Variants in DDX6 observed in about 807,000 individuals in gnomAD.
The protein encoded by DDX6 is DEAD-box helicase 6.
In DDX6, 7 loss-of-function variants were observed where a neutral mutation model predicts 60.6. That is an observed-to-expected ratio of 0.12 (90% CI 0.07 to 0.22). DDX6 has a LOEUF of 0.22. Among genes scored for constraint, DDX6 ranks in the 10% least tolerant of loss-of-function variants. The probability of loss-of-function intolerance (pLI) is 1.00; values close to 1 mark genes in which losing one functional copy is unlikely to be tolerated. For synonymous variants in DDX6, 207 were observed against 201.0 expected (o/e 1.03, Z -0.25); for missense variants, 270 against 589.9 (o/e 0.46, Z 5.62).
Position 118,749,780 on chromosome 11 carries a change from G to A in DDX6, c.*2325C>T, listed in dbSNP as rs1860690988. The A allele has an allele frequency of 1.3e-5, 2 of 152,598 alleles. No homozygotes were observed. The highest frequency in any genetic ancestry group is 4.8e-5 in the African/African-American group (2 of 41,440). The allele number at this position is 152,598 out of a possible 1,614,324, so 9.5% of individuals were successfully genotyped here. On this transcript the variant is annotated 3_prime_UTR_variant, in exon 14 of 14. Coordinates refer to ENST00000534980, the MANE Select transcript of DDX6 (RefSeq NM_004397.6). ...GGCACAATTTTTTTGGTCAAAAGTT[G>A]ACACCTTTTAAATTCCCTCTCCCAC...
At chr11:118,769,522 C>T (rs1555161984) in intron 4 of DDX6, among the ~76,000 whole-genome samples, 2 of 151,916 alleles carry the variant, frequency 1.3e-5, no homozygotes, top group Non-Finnish European at 2.9e-5. Context: ...CAAAGGATTC[C>T]CAAAAGTTAC....
At position 118,749,262 on chromosome 11, in the gene DDX6, TATC is replaced by T. The variant is rs1284965235; in HGVS notation, c.*2840_*2842del. On this transcript the variant is annotated 3_prime_UTR_variant, in exon 14 of 14. Coordinates refer to ENST00000534980, the MANE Select transcript of DDX6 (RefSeq NM_004397.6). Reference sequence around the variant, plus strand: ...ATCCAAATGAGCCACTGGAAAATATTATCATTACTTAAAAAAATACATATTTAA... The same window carrying T: ...ATCCAAATGAGCCACTGGAAAATATTATTACTTAAAAAAATACATATTTAA... 1.0e-4 allele frequency: 15 copies of T among 148,656 alleles called. No homozygotes were observed. The highest frequency in any genetic ancestry group is 1.7e-4 in the African/African-American group (7 of 40,268). The allele number at this position is 148,656 out of a possible 1,614,324, so 9.2% of individuals were successfully genotyped here. A position where few individuals can be genotyped will look rare whatever the true frequency, so the allele number is the denominator to read the frequency against.
At chr11:118,785,249 A>G (rs946524328) in intron 2 of DDX6, among the ~76,000 whole-genome samples, 1 of 152,232 alleles carries the variant, frequency 6.6e-6, no homozygotes, top group Non-Finnish European at 1.5e-5. Flanking sequence ...AATATCCTCT[A>G]GTAAGAGGAG....
At chr11:118,756,213 C>T (rs533168978) in intron 11 of DDX6, 47 bp downstream of exon 11, 1 of 1,549,528 alleles carries the variant, frequency 6.5e-7, no homozygotes, top group African/African-American at 1.4e-5. Flanking sequence ...AAGCAAAAAA[C>T]AACTTGGGAG....
At chr11:118,756,852 T>A (rs1860995984) in intron 10 of DDX6, among the ~76,000 whole-genome samples, 1 of 150,592 alleles carries the variant, frequency 6.6e-6, no homozygotes, top group Middle Eastern at 3.2e-3. Flanking sequence ...CATGTGGCTA[T>A]TTACTGTATT....
intron 4 of DDX6, among the ~76,000 whole-genome samples, chr11:118,773,841 G>C (rs1242878237): frequency 7.1e-6 from 1 of 141,572 alleles, no homozygotes; most frequent in Non-Finnish European, 1.6e-5. Flanking sequence ...CACCCAAAAA[G>C]AAAACAAAAC....
chr11:118,757,189 A>T lies in DDX6; in HGVS notation c.1092T>A (p.Ile364=). The change falls in exon 10 of 14, where the codon ATT becomes ATA. Residue 364 remains isoleucine, a synonymous_variant. Transcript: ENST00000534980. ...ISQLGYSCFY[I]HAKMRQEHRN... is the part of the protein sequence containing the mutation. Reference sequence around the variant, plus strand: ...TACTCACCTGCCTCATTTTAGCATGAATATAGAAGCAAGAATAACCCAGTT... The same window carrying T: ...TACTCACCTGCCTCATTTTAGCATGTATATAGAAGCAAGAATAACCCAGTT... 6.4e-7 allele frequency: 1 copy of T among 1,566,892 alleles called. No homozygotes were observed. Among genetic ancestry groups the T allele is most frequent in the Non-Finnish European group, 8.6e-7 (1 of 1,158,558 alleles).
intron 7 of DDX6, among the ~76,000 whole-genome samples, chr11:118,760,723 G>C (rs199708873): frequency 6.6e-6 from 1 of 151,526 alleles, no homozygotes; most frequent in African/African-American, 2.4e-5. Context: ...CGGGAGGCTG[G>C]GGCAGGAGAA....
At chr11:118,776,831 CA>C (rs200480268) in intron 4 of DDX6, among the ~76,000 whole-genome samples, 1,129 of 94,326 alleles carry the variant, frequency 0.012, 10 homozygotes, top group Admixed American at 0.027. Flanking sequence ...GGCTCTGTCT[CA>C]AAAAAAAAAA....
chr11:118,762,140 G>A (rs372793186), intron 7 of DDX6, among the ~76,000 whole-genome samples: 1 of 151,262 alleles, frequency 6.6e-6, no homozygotes, highest in Non-Finnish European at 1.5e-5. Context: ...CTGAGCGTGG[G>A]TGGTACATAA....
At chr11:118,754,671 A>C (rs1555158283) in intron 13 of DDX6, 34 bp downstream of exon 13, 1 of 1,543,772 alleles carries the variant, frequency 6.5e-7, no homozygotes. Context: ...CCCTCATTTA[A>C]AGGTTCCTCT....
chr11:118,771,076 T>C (rs1280549059), intron 4 of DDX6, among the ~76,000 whole-genome samples: 2 of 152,182 alleles, frequency 1.3e-5, no homozygotes, highest in Non-Finnish European at 2.9e-5. Context: ...GAGGCTCCCA[T>C]TACCCTGTCA....
intron 2 of DDX6, 121 bp downstream of exon 2, chr11:118,785,931 T>C: frequency 2.3e-6 from 2 of 879,850 alleles, no homozygotes; most frequent in Non-Finnish European, 3.4e-6. Flanking sequence ...AACAAAGTCA[T>C]CTGTCCTCTA....
intron 5 of DDX6, among the ~76,000 whole-genome samples, chr11:118,766,895 T>G (rs914748723): frequency 7.2e-5 from 5 of 69,014 alleles, no homozygotes; most frequent in Middle Eastern, 6.0e-3. Context: ...TGCTGCTGCT[T>G]CTTCGTTTTG....
chr11:118,755,257 T>G, intron 12 of DDX6, 145 bp downstream of exon 12: 1 of 590,438 alleles, frequency 1.7e-6, no homozygotes, highest in East Asian at 2.8e-5. Context: ...GAATTAGAAA[T>G]TAGTCTTAAA....
chr11:118,763,160 G>C, intron 7 of DDX6, 52 bp downstream of exon 7: 1 of 1,292,068 alleles, frequency 7.7e-7, no homozygotes, highest in South Asian at 1.5e-5. Flanking sequence ...GCAGTTATAA[G>C]CAAAGCACAG....
At chr11:118,782,040 C>T (rs1861916587) in intron 2 of DDX6, among the ~76,000 whole-genome samples, 1 of 152,036 alleles carries the variant, frequency 6.6e-6, no homozygotes, top group Admixed American at 6.6e-5. Flanking sequence ...CGGTGAAACC[C>T]ACTCTCTACC....
intron 4 of DDX6, among the ~76,000 whole-genome samples, chr11:118,775,743 C>T (rs1206303831): frequency 1.3e-5 from 2 of 152,100 alleles, no homozygotes; most frequent in African/African-American, 4.8e-5. Flanking sequence ...AGTTAATTGC[C>T]TATATGCTAT....
chr11:118,775,040 C>T (rs1006417250), intron 4 of DDX6, among the ~76,000 whole-genome samples: 2 of 152,144 alleles, frequency 1.3e-5, no homozygotes, highest in Non-Finnish European at 2.9e-5. Flanking sequence ...CTTGGCCAGG[C>T]GTGGTGGCTC....
Sources: allele counts gnomAD v4.1 joint callset (sites outside exome capture counted in the v4.1 genomes callset), GRCh38; gene constraint gnomAD v4.1.1; transcripts MANE v1.5; gene names NCBI Gene and HGNC (gene_info 2026-07-23, HGNC 2026-07-21).